Variants in TXNDC16 observed in about 807,000 individuals in gnomAD.
TXNDC16 encodes the protein thioredoxin domain containing 16.
Under a neutral mutation model 85.6 loss-of-function variants are expected in TXNDC16, and 74 were observed. That is an observed-to-expected ratio of 0.86 (90% CI 0.72 to 1.05). TXNDC16 has a LOEUF of 1.05. TXNDC16 is among the 50% of genes least tolerant of loss of function. TXNDC16 has a pLI of 0.00. For missense variants in TXNDC16, 959 were observed against 947.0 expected (o/e 1.01, Z -0.17); for synonymous variants, 335 against 326.5 (o/e 1.03, Z -0.28).
rs1201100730 is a variant in TXNDC16 at position 52,457,159 on chromosome 14, C to T, written c.1634G>A (p.Ser545Asn). 3 of 1,583,518 alleles carry T rather than the reference C, an allele frequency of 1.9e-6. No homozygotes were observed. The highest frequency in any genetic ancestry group is 2.6e-6 in the Non-Finnish European group (3 of 1,167,346). Residue 545 changes from serine to asparagine, a missense_variant, in exon 17 of 21, where the codon AGT (serine) becomes AAT (asparagine). Coordinates refer to ENST00000281741, the MANE Select transcript of TXNDC16 (RefSeq NM_020784.3). ...PTMKTAKEDF[S>N]EAGNYLKGYV... ...TCCTTTTAGGTAGTTTCCTGCTTCA[C>T]TAAAATCTTCTTTTGCTATAAATAC... is the stretch of plus-strand genomic sequence containing the variant.
chr14:52,493,216 T>TATATATATATATATATATATATTACAC, intron 9 of TXNDC16, among the ~76,000 whole-genome samples: 5 of 115,940 alleles, frequency 4.3e-5, no homozygotes, highest in Admixed American at 9.5e-5. Flanking sequence ...TATATATATA[T>TATATATATATATATATATATATTACAC]ACACACACAC....
At chr14:52,527,615 T>C (rs917834965) in intron 6 of TXNDC16, among the ~76,000 whole-genome samples, 3 of 152,158 alleles carry the variant, frequency 2.0e-5, no homozygotes, top group African/African-American at 7.2e-5. Context: ...AAGTTCTCAT[T>C]CTTCAAACCT....
At chr14:52,473,600 G>A (rs1242919782) in intron 14 of TXNDC16, among the ~76,000 whole-genome samples, 2 of 152,014 alleles carry the variant, frequency 1.3e-5, no homozygotes, top group Non-Finnish European at 2.9e-5. Context: ...CTGTAAAATG[G>A]TTCCAATATT....
At chr14:52,481,175 C>T (rs1195397227) in intron 14 of TXNDC16, among the ~76,000 whole-genome samples, 1 of 151,610 alleles carries the variant, frequency 6.6e-6, no homozygotes, top group Non-Finnish European at 1.5e-5. Flanking sequence ...ACAAAATGGA[C>T]TGTGGGGACT....
intron 12 of TXNDC16, among the ~76,000 whole-genome samples, chr14:52,485,582 C>T (rs1446631110): frequency 6.6e-6 from 1 of 152,180 alleles, no homozygotes; most frequent in African/African-American, 2.4e-5. Context: ...GTACCCTATA[C>T]AAGTGTACCA....
Position 52,536,710 on chromosome 14 carries a change from T to G in TXNDC16, c.392+9A>C, listed in dbSNP as rs1331122592. The G allele has an allele frequency of 6.2e-7, 1 of 1,603,256 alleles. No homozygotes were observed. The highest frequency in any genetic ancestry group is 8.5e-7 in the Non-Finnish European group (1 of 1,173,152). On this transcript the variant is annotated intron_variant, in intron 6 of 20. Coordinates refer to ENST00000281741, the MANE Select transcript of TXNDC16 (RefSeq NM_020784.3). ...AGTAAACAAATGAATGTGTAGCCCC[T>G]GTACTTACAAGAGAACATGGGCGAC...
At chr14:52,526,975 A>C (rs989313890) in intron 6 of TXNDC16, among the ~76,000 whole-genome samples, 2 of 152,246 alleles carry the variant, frequency 1.3e-5, no homozygotes, top group African/African-American at 4.8e-5. Flanking sequence ...GTGGCATGCC[A>C]GCGGAGGGCA....
rs1259871696 is a variant in TXNDC16, at chr14:52,470,206, T to C, written c.1482-33A>G. On this transcript the variant is annotated intron_variant, in intron 15 of 20. Transcript: ENST00000281741. Reference sequence around the variant, plus strand: ...AACATATAACTATATTACAAATTAATTTTTTAAGATATTTTCAGTTTGTAA... The same window carrying C: ...AACATATAACTATATTACAAATTAACTTTTTAAGATATTTTCAGTTTGTAA... 2.7e-6 allele frequency: 4 copies of C among 1,485,676 alleles called. No individual in the cohort carries two copies. The East Asian group carries it at 7.1e-5, about 26-fold the overall frequency. 92.0% of individuals were successfully genotyped at this position (1,485,676 alleles called of 1,614,324 possible).
intron 9 of TXNDC16, among the ~76,000 whole-genome samples, chr14:52,501,917 T>G (rs1353068586): frequency 3.9e-5 from 6 of 152,198 alleles, no homozygotes; most frequent in African/African-American, 1.4e-4. Context: ...TCTAACATCT[T>G]CCTAATTCCA....
At chr14:52,494,267 C>A (rs1304245578) in intron 9 of TXNDC16, among the ~76,000 whole-genome samples, 3 of 152,074 alleles carry the variant, frequency 2.0e-5, no homozygotes. Context: ...GTCAGTAGGA[C>A]CCGTGGGTAG....
In TXNDC16 at chr14:52,543,614, GT is replaced by G; in HGVS notation, c.-58del. On this transcript the variant is annotated 5_prime_UTR_variant, in exon 3 of 21. Transcript: ENST00000281741. ...GTCTGTTTTTTCACTGCTGTGTTCT[GT>G]TTCCTAAGACAACACCTGGCACAGA... 6.3e-7 allele frequency: 1 copy of G among 1,585,130 alleles called. No individual in the cohort carries two copies. The highest frequency in any genetic ancestry group is 1.8e-5 in the Admixed American group (1 of 54,214).
At chr14:52,540,226 C>G (rs2037797741) in intron 4 of TXNDC16, among the ~76,000 whole-genome samples, 1 of 152,184 alleles carries the variant, frequency 6.6e-6, no homozygotes, top group African/African-American at 2.4e-5. Context: ...CATCCTGCCT[C>G]TTGCTATCTT....
chr14:52,490,728 G>C, intron 10 of TXNDC16, 111 bp downstream of exon 10: 1 of 1,176,326 alleles, frequency 8.5e-7, no homozygotes, highest in South Asian at 1.5e-5. Context: ...AACTATATTG[G>C]AATCTATTAG....
At chr14:52,525,104 A>G (rs1594752866) in intron 6 of TXNDC16, among the ~76,000 whole-genome samples, 1 of 151,936 alleles carries the variant, frequency 6.6e-6, no homozygotes, top group Non-Finnish European at 1.5e-5. Flanking sequence ...CCTGGGCAAC[A>G]TGAGCGAAAC....
intron 9 of TXNDC16, among the ~76,000 whole-genome samples, chr14:52,507,705 C>G (rs2036845522): frequency 6.6e-6 from 1 of 152,028 alleles, no homozygotes; most frequent in Non-Finnish European, 1.5e-5. Flanking sequence ...GGTACTGGTA[C>G]CAAAACAGAG....
chr14:52,528,741 A>G (rs2037396978), intron 6 of TXNDC16, among the ~76,000 whole-genome samples: 1 of 149,750 alleles, frequency 6.7e-6, no homozygotes, highest in Admixed American at 6.7e-5. Flanking sequence ...TTCATTTTTC[A>G]ATTTATAATA....
chr14:52,472,922 C>T lies in TXNDC16; in HGVS notation c.1313-2242G>A, dbSNP rs146334387. Among the ~76,000 whole-genome samples the T allele has an allele frequency of 2.1e-3, 315 of 152,250 alleles. 4 individuals carry two copies. The highest frequency in any genetic ancestry group is 7.2e-3 in the African/African-American group (298 of 41,560). ...AAGGACTAGACGTTTCCAAGATGGCCGCTCTGTCTTCCCTTCTCTGCCAGC... is the reference window on the plus strand; with the variant it reads ...AAGGACTAGACGTTTCCAAGATGGCTGCTCTGTCTTCCCTTCTCTGCCAGC... On this transcript the variant is annotated intron_variant, in intron 14 of 20. Transcript: ENST00000281741.
intron 16 of TXNDC16, among the ~76,000 whole-genome samples, chr14:52,458,801 AT>A (rs1264004523): frequency 2.0e-5 from 3 of 152,294 alleles, no homozygotes; most frequent in Non-Finnish European, 4.4e-5. Flanking sequence ...GTACACCATT[AT>A]TTCCATATAA....
rs1016111634 is a variant in TXNDC16 at position 52,542,509 on chromosome 14, T to G, written c.161-56A>C. On this transcript the variant is annotated intron_variant, in intron 3 of 20. Transcript: ENST00000281741. ...TGAATTGCCCCTTAAAAATGAATTT[T>G]AAAATCTGCAAACACAGAATAGATT... 5.5e-6 allele frequency: 7 copies of G among 1,268,776 alleles called. No homozygotes were observed. The African/African-American group carries it at 1.0e-4, about 19-fold the overall frequency. 78.6% of individuals were successfully genotyped at this position (1,268,776 alleles called of 1,614,324 possible). A position where few individuals can be genotyped will look rare whatever the true frequency, so the allele number is the denominator to read the frequency against.
Sources: gnomAD v4.1 joint callset for allele counts (sites outside exome capture counted in the v4.1 genomes callset) on GRCh38, gnomAD v4.1.1 for gene constraint, MANE v1.5 for transcripts, NCBI Gene and HGNC (gene_info 2026-07-23, HGNC 2026-07-21) for gene names.